Variants in CNBD1 observed in about 807,000 individuals in gnomAD.
The protein encoded by CNBD1 is cyclic nucleotide binding domain containing 1.
Under a neutral mutation model 54.4 loss-of-function variants are expected in CNBD1, and 71 were observed. The ratio of observed to expected loss-of-function variants is 1.30; its 90% CI spans 1.08 to 1.59. The LOEUF (loss-of-function observed/expected upper bound fraction) is 1.59, where lower values mean the gene tolerates loss of function less well. Ranked by LOEUF, CNBD1 falls within the 40% of genes most tolerant of loss-of-function variation. The pLI is 0.00. For missense variants in CNBD1, 659 were observed against 518.0 expected, an observed-to-expected ratio of 1.27 and a Z score of -2.64; for synonymous variants, 182 against 170.7, an observed-to-expected ratio of 1.07 and a Z score of -0.51.
At chr8:87,086,752 TAAAAC>T (rs1486574162) in intron 4 of CNBD1, among the ~76,000 whole-genome samples, 1 of 152,184 alleles carries the variant, frequency 6.6e-6, no homozygotes, top group Non-Finnish European at 1.5e-5. Context: ...TTTTAATCTA[TAAAAC>T]AAAACAAAAT....
intron 2 of CNBD1, among the ~76,000 whole-genome samples, chr8:87,427,826 T>G (rs1222620740): frequency 6.6e-6 from 1 of 152,158 alleles, no homozygotes; most frequent in Non-Finnish European, 1.5e-5. Context: ...TTTTCATGCA[T>G]TCAAGATGCT....
chr8:86,979,217 T>C lies in CNBD1; in HGVS notation c.431+39463T>C, dbSNP rs147038019. Among the ~76,000 whole-genome samples, 341 of 151,928 alleles carry C rather than the reference T, an allele frequency of 2.2e-3. 1 individual carries two copies. The highest frequency in any genetic ancestry group is 7.9e-3 in the African/African-American group (328 of 41,494). The stretch of plus-strand genomic sequence containing the variant: ...GAGTATTTGTCTTCTTGTGTAGTTT[T>C]ATTATGGGCAATATATTTTCCTTTT... On this transcript the variant is annotated intron_variant, in intron 4 of 10. Transcript: ENST00000518476.
chr8:87,332,610 T>G (rs1428392752), intron 8 of CNBD1, among the ~76,000 whole-genome samples: 1 of 152,134 alleles, frequency 6.6e-6, no homozygotes, highest in Non-Finnish European at 1.5e-5. Flanking sequence ...CTGGCCAGTT[T>G]TTGCAGCACT....
chr8:87,396,719 G>T (rs1396412252), intron 2 of CNBD1, among the ~76,000 whole-genome samples: 1 of 151,306 alleles, frequency 6.6e-6, no homozygotes, highest in Non-Finnish European at 1.5e-5. Flanking sequence ...CATATCAGTA[G>T]TATTAAAAGT....
At chr8:87,382,221 C>G (rs1253659395) in intron 10 of CNBD1, among the ~76,000 whole-genome samples, 1 of 151,840 alleles carries the variant, frequency 6.6e-6, no homozygotes, top group South Asian at 2.1e-4. Flanking sequence ...CTATGGAATT[C>G]TAGCTAACTG....
At chr8:87,065,978 T>A (rs1810641558) in intron 4 of CNBD1, among the ~76,000 whole-genome samples, 1 of 151,984 alleles carries the variant, frequency 6.6e-6, no homozygotes, top group Admixed American at 6.6e-5. Context: ...GTACGGATGA[T>A]TAGAGACTAT....
At chr8:87,017,266 A>T (rs528114718) in intron 4 of CNBD1, among the ~76,000 whole-genome samples, 3 of 152,322 alleles carry the variant, frequency 2.0e-5, no homozygotes, top group African/African-American at 4.8e-5. Flanking sequence ...AATGCCTTAT[A>T]AAAATAGGTA....
Position 87,256,947 on chromosome 8 carries a change from G to T in CNBD1, c.771+19835G>T, listed in dbSNP as rs1015338136. On this transcript the variant is annotated intron_variant, in intron 6 of 10. Coordinates refer to ENST00000518476, the MANE Select transcript of CNBD1 (RefSeq NM_173538.3). Reference sequence around the variant, plus strand: ...TCTTCGGGTTCTAGATTGTGAAGGGGTTGTCCTCAGTGAACCACAAAAAGC... The same window carrying T: ...TCTTCGGGTTCTAGATTGTGAAGGGTTTGTCCTCAGTGAACCACAAAAAGC... Among the ~76,000 whole-genome samples, 5 of 152,076 alleles carry T rather than the reference G, an allele frequency of 3.3e-5. 1 individual carries two copies. In the South Asian group the frequency reaches 1.0e-3, roughly 32 times the overall value.
At chr8:87,398,738 C>T (rs969980975) in intron 2 of CNBD1, among the ~76,000 whole-genome samples, 8 of 151,946 alleles carry the variant, frequency 5.3e-5, no homozygotes, top group Non-Finnish European at 1.0e-4. Flanking sequence ...ACCATGCCTC[C>T]CATGCTCAGT....
chr8:87,406,259 A>T (rs1352639905), intron 2 of CNBD1, among the ~76,000 whole-genome samples: 1 of 152,112 alleles, frequency 6.6e-6, no homozygotes, highest in Non-Finnish European at 1.5e-5. Flanking sequence ...AAACATCTGT[A>T]GTATGATATT....
At chr8:86,962,534 C>G (rs1486910475) in intron 4 of CNBD1, among the ~76,000 whole-genome samples, 2 of 152,058 alleles carry the variant, frequency 1.3e-5, no homozygotes, top group Non-Finnish European at 1.5e-5. Context: ...ACCTGTAATC[C>G]CAGCACTTTG....
chr8:87,258,352 C>A (rs60628147), intron 6 of CNBD1, among the ~76,000 whole-genome samples: 43,239 of 151,808 alleles, frequency 0.28, 6,658 homozygotes, highest in African/African-American at 0.4. Flanking sequence ...AGCAGTCTGT[C>A]TTTTGTCTTT....
intron 4 of CNBD1, among the ~76,000 whole-genome samples, chr8:87,031,821 A>G (rs1057331900): frequency 6.6e-6 from 1 of 152,022 alleles, no homozygotes; most frequent in Non-Finnish European, 1.5e-5. Flanking sequence ...GTTCACCATA[A>G]ACTCCACCCC....
chr8:87,254,546 A>G (rs1010452007), intron 6 of CNBD1, among the ~76,000 whole-genome samples: 1 of 152,216 alleles, frequency 6.6e-6, no homozygotes, highest in African/African-American at 2.4e-5. Flanking sequence ...GAGGATTCTC[A>G]TCAACTGAAT....
intron 5 of CNBD1, among the ~76,000 whole-genome samples, chr8:87,233,334 T>C (rs942260369): frequency 1.3e-5 from 2 of 152,142 alleles, no homozygotes; most frequent in African/African-American, 2.4e-5. Flanking sequence ...TCAGGTTTAG[T>C]TTCAGAGCAC....
chr8:87,096,845 G>T (rs1435234287), intron 4 of CNBD1, among the ~76,000 whole-genome samples: 1 of 150,472 alleles, frequency 6.6e-6, no homozygotes, highest in African/African-American at 2.5e-5. Context: ...CCTTTAGCCT[G>T]CAAAGCTCTA....
At chr8:87,386,979 A>G (rs529281185), downstream of CNBD1, among the ~76,000 whole-genome samples, 2 of 152,358 alleles carry the variant, frequency 1.3e-5, no homozygotes, top group African/African-American at 4.8e-5. Flanking sequence ...AGAATTTTCA[A>G]CCCAGTATTT....
At chr8:87,309,087 G>A (rs532418166) in intron 8 of CNBD1, among the ~76,000 whole-genome samples, 54 of 151,906 alleles carry the variant, frequency 3.6e-4, no homozygotes, top group African/African-American at 9.7e-4. Context: ...GCTGATTTTC[G>A]TTCTTTTGGG....
intron 4 of CNBD1, among the ~76,000 whole-genome samples, chr8:87,146,346 A>G (rs1253970716): frequency 6.6e-6 from 1 of 152,146 alleles, no homozygotes; most frequent in African/African-American, 2.4e-5. Context: ...ATTTGTGTCT[A>G]CACCTTTACT....
Sources: allele counts gnomAD v4.1 joint callset (sites outside exome capture counted in the v4.1 genomes callset), GRCh38; gene constraint gnomAD v4.1.1; transcripts MANE v1.5; gene names NCBI Gene and HGNC (gene_info 2026-07-23, HGNC 2026-07-21).